MLLT10: variants seen among roughly 807,000 people sequenced by gnomAD.
The protein encoded by MLLT10 is MLLT10 histone lysine methyltransferase DOT1L cofactor.
A neutral mutation model predicts 129.1 loss-of-function variants in MLLT10; 30 were observed. The observed-to-expected ratio is 0.23, with a 90% CI of 0.17 to 0.32. The LOEUF (loss-of-function observed/expected upper bound fraction) is 0.32. MLLT10 is among the 10% of genes least tolerant of loss of function. MLLT10 has a pLI of 1.00. For missense variants in MLLT10, 1,119 were observed against 1,268.3 expected (o/e 0.88, Z 1.79); for synonymous variants, 490 against 446.4 (o/e 1.10, Z -1.23).
intron 3 of MLLT10, among the ~76,000 whole-genome samples, chr10:21,541,728 C>T (rs993372837): frequency 5.9e-5 from 9 of 151,954 alleles, no homozygotes; most frequent in African/African-American, 1.5e-4. Context: ...TGACCAGCCT[C>T]GTCTGGAATT....
intron 13 of MLLT10, among the ~76,000 whole-genome samples, chr10:21,688,837 T>A (rs945208773): frequency 1.3e-5 from 2 of 152,156 alleles, no homozygotes; most frequent in African/African-American, 2.4e-5. Flanking sequence ...AAGACCACTT[T>A]GTACACCTGT....
chr10:21,724,929 T>C (rs1226816186), intron 14 of MLLT10, among the ~76,000 whole-genome samples: 1 of 152,254 alleles, frequency 6.6e-6, no homozygotes, highest in Non-Finnish European at 1.5e-5. Flanking sequence ...GGACGAGCTC[T>C]TCAGTTAGTA....
chr10:21,677,565 C>T (rs1416205841), intron 11 of MLLT10, among the ~76,000 whole-genome samples: 9 of 152,118 alleles, frequency 5.9e-5, no homozygotes, highest in African/African-American at 2.2e-4. Context: ...CATGTAAATG[C>T]TATGCAAATA....
At chr10:21,703,247 T>G (rs1357439297) in intron 13 of MLLT10, among the ~76,000 whole-genome samples, 1 of 152,132 alleles carries the variant, frequency 6.6e-6, no homozygotes, top group Non-Finnish European at 1.5e-5. Context: ...CCTTCATTTA[T>G]GAAGGATAAT....
At chr10:21,714,620 C>G (rs71488419) in intron 14 of MLLT10, among the ~76,000 whole-genome samples, 2 of 152,168 alleles carry the variant, frequency 1.3e-5, no homozygotes, top group South Asian at 2.1e-4. Flanking sequence ...GCACCTCTGC[C>G]TCCTGGGTTC....
At chr10:21,563,871 G>A (rs866344408) in intron 3 of MLLT10, among the ~76,000 whole-genome samples, 2 of 151,448 alleles carry the variant, frequency 1.3e-5, no homozygotes, top group Non-Finnish European at 2.9e-5. Flanking sequence ...GGAGTGTGGT[G>A]GCGCGATCTA....
At chr10:21,645,813 C>T (rs577464866) in intron 8 of MLLT10, among the ~76,000 whole-genome samples, 1 of 152,300 alleles carries the variant, frequency 6.6e-6, no homozygotes, top group East Asian at 1.9e-4. Flanking sequence ...GTATTATCTT[C>T]ACTGCTCCTT....
intron 8 of MLLT10, among the ~76,000 whole-genome samples, chr10:21,649,541 T>G (rs549524715): frequency 6.4e-4 from 98 of 152,372 alleles, no homozygotes; most frequent in African/African-American, 2.3e-3. Flanking sequence ...GTGGTATCTG[T>G]CGGGTTTACT....
At chr10:21,646,970 C>T (rs2048554826) in intron 8 of MLLT10, among the ~76,000 whole-genome samples, 1 of 152,024 alleles carries the variant, frequency 6.6e-6, no homozygotes, top group Admixed American at 6.6e-5. Flanking sequence ...ATTCTTTTGC[C>T]TCAGCCTCCT....
At chr10:21,717,629 CTCCTCCTCCTTT>C (rs2056746100) in intron 14 of MLLT10, among the ~76,000 whole-genome samples, 3 of 129,412 alleles carry the variant, frequency 2.3e-5, no homozygotes, top group East Asian at 2.4e-4. Context: ...CTTCCTCCTC[CTCCTCCTCCTTT>C]TCCTCCTCCT....
intron 22 of MLLT10, 77 bp downstream of exon 22, chr10:21,740,313 G>A (rs2131598008): frequency 6.7e-7 from 1 of 1,497,944 alleles, no homozygotes; most frequent in Non-Finnish European, 9.1e-7. Flanking sequence ...TTTCCAGCCT[G>A]GTTTTGTTCC....
intron 5 of MLLT10, among the ~76,000 whole-genome samples, chr10:21,607,646 C>A (rs1462482292): frequency 6.6e-6 from 1 of 152,084 alleles, no homozygotes; most frequent in Admixed American, 6.6e-5. Context: ...ATAGCTTTGT[C>A]CTAATCCTGT....
At chr10:21,730,119 C>A (rs2057835836) in intron 16 of MLLT10, among the ~76,000 whole-genome samples, 1 of 151,640 alleles carries the variant, frequency 6.6e-6, no homozygotes, top group Non-Finnish European at 1.5e-5. Context: ...CAACCTCCCC[C>A]ACCGCCGCCT....
chr10:21,560,291 G>T (rs11012736), intron 3 of MLLT10, among the ~76,000 whole-genome samples: 2 of 152,128 alleles, frequency 1.3e-5, no homozygotes, highest in African/African-American at 2.4e-5. Context: ...GAGCCACCAC[G>T]CCTGGCCTGT....
intron 8 of MLLT10, among the ~76,000 whole-genome samples, chr10:21,623,334 A>G (rs949721769): frequency 6.6e-6 from 1 of 152,188 alleles, no homozygotes; most frequent in Admixed American, 6.5e-5. Context: ...TCCAAGATTT[A>G]CCTTATTAGT....
chr10:21,706,322 G>A (rs2055492880), intron 13 of MLLT10, among the ~76,000 whole-genome samples: 1 of 152,142 alleles, frequency 6.6e-6, no homozygotes, highest in South Asian at 2.1e-4. Flanking sequence ...TACCATTAGG[G>A]GTCCTGAGGA....
At chr10:21,682,063 C>A (rs936626795) in intron 12 of MLLT10, among the ~76,000 whole-genome samples, 162 bp from the exon 13 acceptor site, 3 of 152,060 alleles carry the variant, frequency 2.0e-5, no homozygotes, top group Non-Finnish European at 2.9e-5. Flanking sequence ...AAAATTTATA[C>A]CATGTAAAAA....
At chr10:21,616,203 T>A (rs1039880476) in intron 7 of MLLT10, among the ~76,000 whole-genome samples, 13 of 152,110 alleles carry the variant, frequency 8.5e-5, no homozygotes, top group African/African-American at 2.7e-4. Flanking sequence ...TTCCTAGGTG[T>A]AATAAGCATA....
intron 14 of MLLT10, among the ~76,000 whole-genome samples, chr10:21,719,790 T>C (rs745553186): frequency 2.6e-5 from 4 of 152,312 alleles, no homozygotes; most frequent in East Asian, 1.9e-4. Context: ...TAAAATACTT[T>C]AGAATTCATG....
Sources: gnomAD v4.1 joint callset for allele counts (sites outside exome capture counted in the v4.1 genomes callset) on GRCh38, gnomAD v4.1.1 for gene constraint, MANE v1.5 for transcripts, NCBI Gene and HGNC (gene_info 2026-07-23, HGNC 2026-07-21) for gene names.